NEBL: variants seen among roughly 807,000 people sequenced by gnomAD.
NEBL encodes the protein LIM and SH3 protein 2.
NEBL carries 122 observed loss-of-function variants against 140.2 expected under a neutral mutation model. That is an observed-to-expected ratio of 0.87 (90% CI 0.75 to 1.01). The LOEUF (loss-of-function observed/expected upper bound fraction) is 1.01, where lower values mean the gene tolerates loss of function less well. NEBL is among the 50% of genes least tolerant of loss of function. The pLI is 0.00. For missense variants in NEBL, 1,365 were observed against 1,231.3 expected (o/e 1.11, Z -1.62); for synonymous variants, 436 against 398.9 (o/e 1.09, Z -1.11).
chr10:21,029,644 G>A, intron 2 of NEBL: 2 of 1,334,468 alleles, frequency 1.5e-6, no homozygotes, highest in Non-Finnish European at 1.1e-6. Flanking sequence ...GCCTAGAAGG[G>A]GTGATGATAG....
intron 13 of NEBL, among the ~76,000 whole-genome samples, chr10:20,840,280 CTTA>C (rs1841289971): frequency 6.6e-6 from 1 of 152,046 alleles, no homozygotes; most frequent in Non-Finnish European, 1.5e-5. Context: ...TTCAGTTCTC[CTTA>C]TAAAGTGCAT....
intron 2 of NEBL, among the ~76,000 whole-genome samples, chr10:21,084,105 G>T (rs1367686029): frequency 6.6e-6 from 1 of 152,188 alleles, no homozygotes; most frequent in East Asian, 1.9e-4. Flanking sequence ...CTAATCACCT[G>T]CTGGATAAAC....
At chr10:20,796,317 C>T (rs934485233) in intron 26 of NEBL, among the ~76,000 whole-genome samples, 2 of 139,978 alleles carry the variant, frequency 1.4e-5, no homozygotes, top group African/African-American at 5.4e-5. Context: ...CGAGATTGCA[C>T]CATTGCACTC....
chr10:20,893,190 G>T lies in NEBL; in HGVS notation c.154-3241C>A, dbSNP rs565339257. On this transcript the variant is annotated intron_variant, in intron 2 of 27. Coordinates refer to ENST00000377122, the MANE Select transcript of NEBL (RefSeq NM_006393.3). Reference sequence around the variant, plus strand: ...CCTAATCTACAAGAAACATACAAAAGATTCCCTTTTGCCCAATCTTTTTTA... The same window carrying T: ...CCTAATCTACAAGAAACATACAAAATATTCCCTTTTGCCCAATCTTTTTTA... Among the ~76,000 whole-genome samples, 3 of 152,202 alleles carry T rather than the reference G, an allele frequency of 2.0e-5. No homozygotes were observed. The East Asian group carries it at 5.8e-4, about 29-fold the overall frequency.
intron 2 of NEBL, among the ~76,000 whole-genome samples, chr10:21,054,840 C>A (rs1358499408): frequency 6.6e-6 from 1 of 152,050 alleles, no homozygotes; most frequent in Non-Finnish European, 1.5e-5. Flanking sequence ...CCAAAAATGC[C>A]CAAATTTTTC....
chr10:20,866,100 G>T (rs1292057663), intron 7 of NEBL, among the ~76,000 whole-genome samples: 2 of 152,096 alleles, frequency 1.3e-5, no homozygotes, highest in African/African-American at 4.8e-5. Context: ...AGTTAACATG[G>T]CAAAAAGTAG....
At chr10:21,014,084 G>T (rs976788111) in intron 3 of NEBL, among the ~76,000 whole-genome samples, 2 of 151,998 alleles carry the variant, frequency 1.3e-5, no homozygotes, top group African/African-American at 4.8e-5. Context: ...CATTCTCTCT[G>T]CAGGTCTTGT....
At chr10:20,954,025 GAAAAAAAA>G (rs200642113) in intron 4 of NEBL, among the ~76,000 whole-genome samples, 3 of 125,720 alleles carry the variant, frequency 2.4e-5, no homozygotes. Context: ...TCTTCTTAAG[GAAAAAAAA>G]AAAAAAAAAA....
intron 5 of NEBL, among the ~76,000 whole-genome samples, chr10:20,875,633 C>A (rs1432250873): frequency 6.6e-6 from 1 of 152,130 alleles, no homozygotes; most frequent in African/African-American, 2.4e-5. Flanking sequence ...CACAGACTCT[C>A]CTTGAAGTGG....
chr10:21,244,654 A>G (rs981831869), intron 3 of NEBL, among the ~76,000 whole-genome samples: 1 of 151,890 alleles, frequency 6.6e-6, no homozygotes. Flanking sequence ...CTCTGTCTCA[A>G]AAAAATAAAA....
chr10:21,185,039 T>C (rs1270644970), intron 3 of NEBL, among the ~76,000 whole-genome samples: 1 of 152,154 alleles, frequency 6.6e-6, no homozygotes, highest in Non-Finnish European at 1.5e-5. Context: ...TGGCCCCATG[T>C]CTCCCCTGAT....
chr10:20,976,315 C>A (rs1209549756), intron 3 of NEBL, among the ~76,000 whole-genome samples: 1 of 151,084 alleles, frequency 6.6e-6, no homozygotes, highest in Admixed American at 6.6e-5. Flanking sequence ...GCACTCCAGC[C>A]TGGGCGACTG....
intron 3 of NEBL, among the ~76,000 whole-genome samples, chr10:20,963,643 C>T (rs1256871612): frequency 2.0e-5 from 3 of 152,200 alleles, no homozygotes; most frequent in Non-Finnish European, 4.4e-5. Context: ...GATCCTCCTA[C>T]CTTAGCCTCC....
chr10:20,789,866 T>TATATAC (rs1233127915), intron 26 of NEBL, among the ~76,000 whole-genome samples: 7 of 149,560 alleles, frequency 4.7e-5, no homozygotes, highest in African/African-American at 1.7e-4. Context: ...TATATATATA[T>TATATAC]ACATACACAT....
At chr10:20,987,191 T>C (rs1005754852) in intron 3 of NEBL, among the ~76,000 whole-genome samples, 7 of 148,082 alleles carry the variant, frequency 4.7e-5, no homozygotes, top group African/African-American at 1.5e-4. Context: ...CATTGCTTCT[T>C]TTTTTTTTTT....
chr10:20,928,184 C>G (rs959501813), intron 4 of NEBL, among the ~76,000 whole-genome samples: 3 of 152,162 alleles, frequency 2.0e-5, no homozygotes, highest in African/African-American at 4.8e-5. Context: ...ATACTTGGTA[C>G]AGTTGAAAAA....
intron 1 of NEBL, among the ~76,000 whole-genome samples, chr10:21,280,890 C>T (rs1277960064): frequency 1.3e-5 from 2 of 152,172 alleles, no homozygotes; most frequent in African/African-American, 4.8e-5. Flanking sequence ...GCTGTGATTA[C>T]AGGCGTGAGC....
chr10:20,852,647 T>C lies in NEBL; in HGVS notation c.906A>G (p.Arg302=). The change falls in exon 10 of 28, where the codon CGA becomes CGG. Residue 302 remains arginine (R), a splice_region_variant and synonymous_variant. Transcript: ENST00000377122. Reference sequence around the variant, plus strand: ...TTTCCTCAAAGAGCTTTTTATATTCTCGCTAAAATACAGAATGGGGAAATC... The same window carrying C: ...TTTCCTCAAAGAGCTTTTTATATTCCCGCTAAAATACAGAATGGGGAAATC... ...VLKASKMLSG[R]EYKKLFEENK... The C allele has an allele frequency of 1.2e-6, 2 of 1,604,032 alleles. No individual in the cohort carries two copies. Among genetic ancestry groups the C allele is most frequent in the Non-Finnish European group, 1.7e-6 (2 of 1,171,216 alleles).
intron 2 of NEBL, among the ~76,000 whole-genome samples, chr10:21,041,922 A>C (rs1054966809): frequency 6.6e-6 from 1 of 152,204 alleles, no homozygotes; most frequent in African/African-American, 2.4e-5. Context: ...AGTGTCTTTT[A>C]GCATTCTAAT....
Sources: gnomAD v4.1 joint callset for allele counts (sites outside exome capture counted in the v4.1 genomes callset) on GRCh38, gnomAD v4.1.1 for gene constraint, MANE v1.5 for transcripts, NCBI Gene and HGNC (gene_info 2026-07-23, HGNC 2026-07-21) for gene names.